RALYL: variants seen among roughly 807,000 people sequenced by gnomAD.
The protein encoded by RALYL is RNA-binding Raly-like protein.
A neutral mutation model predicts 35.1 loss-of-function variants in RALYL; 29 were observed. The ratio of observed to expected loss-of-function variants is 0.83; its 90% CI spans 0.61 to 1.13. RALYL has a LOEUF of 1.13. Among genes scored for constraint, RALYL ranks in the 50% most tolerant of loss-of-function variants. RALYL has a pLI of 0.00. For missense variants in RALYL, 359 were observed against 360.4 expected (o/e 1.00, Z 0.03); for synonymous variants, 120 against 127.6 (o/e 0.94, Z 0.40).
At chr8:84,453,078 C>A (rs1398365553) in intron 1 of RALYL, among the ~76,000 whole-genome samples, 1 of 151,866 alleles carries the variant, frequency 6.6e-6, no homozygotes, top group African/African-American at 2.4e-5. Flanking sequence ...GCTAAGAATT[C>A]TCTTCATAAT....
At chr8:84,235,767 C>CTTTTTTTTTTTTTTTTTTT (rs556495836) in intron 1 of RALYL, among the ~76,000 whole-genome samples, 9 of 126,932 alleles carry the variant, frequency 7.1e-5, no homozygotes, top group Admixed American at 8.1e-5. Flanking sequence ...TTTTCTTTTT[C>CTTTTTTTTTTTTTTTTTTT]TTTTTTTTTT....
intron 1 of RALYL, among the ~76,000 whole-genome samples, chr8:84,477,241 G>A (rs917349550): frequency 1.3e-5 from 2 of 151,932 alleles, no homozygotes; most frequent in Non-Finnish European, 2.9e-5. Context: ...ACAACTTCTT[G>A]CATCCATGTC....
At position 84,617,727 on chromosome 8, in the gene RALYL, A is replaced by G. The variant is rs376258245; in HGVS notation, c.256+88150A>G. ...CCATTCAGTATGATATTGGCTGTGG[A>G]TTTGTCATAGATAGCTCTTATTATT... is the stretch of plus-strand genomic sequence containing the variant. On this transcript the variant is annotated intron_variant, in intron 2 of 8. Coordinates refer to ENST00000521268, the MANE Select transcript of RALYL (RefSeq NM_173848.7). Among the ~76,000 whole-genome samples, 19 of 151,032 alleles carry G rather than the reference A, an allele frequency of 1.3e-4. 1 individual carries two copies. Among genetic ancestry groups the G allele is most frequent in the South Asian group, 8.4e-4 (4 of 4,768 alleles).
At chr8:84,469,274 T>C (rs568165723) in intron 1 of RALYL, among the ~76,000 whole-genome samples, 1 of 152,220 alleles carries the variant, frequency 6.6e-6, no homozygotes, top group South Asian at 2.1e-4. Flanking sequence ...CTTTGTGGTT[T>C]TATCTACTTT....
chr8:84,699,015 T>C (rs1839702460), intron 2 of RALYL, among the ~76,000 whole-genome samples: 1 of 150,476 alleles, frequency 6.6e-6, no homozygotes, highest in African/African-American at 2.4e-5. Context: ...CATAGATAGA[T>C]AGATAGATAG....
At chr8:84,568,281 T>C (rs944512079) in intron 2 of RALYL, among the ~76,000 whole-genome samples, 1 of 147,050 alleles carries the variant, frequency 6.8e-6, no homozygotes, top group Admixed American at 6.9e-5. Context: ...TTCCCACCTA[T>C]GAGTGAGAAC....
chr8:84,640,229 T>C (rs1314537495), intron 2 of RALYL, among the ~76,000 whole-genome samples: 3 of 152,034 alleles, frequency 2.0e-5, no homozygotes, highest in Non-Finnish European at 2.9e-5. Flanking sequence ...GGAGGTTACA[T>C]AGATGTAAAA....
intron 1 of RALYL, among the ~76,000 whole-genome samples, chr8:84,513,373 T>G (rs1281886141): frequency 6.6e-6 from 1 of 152,158 alleles, no homozygotes; most frequent in East Asian, 1.9e-4. Context: ...TGTTAGCAAT[T>G]TTTGTAGCTA....
chr8:84,909,877 C>G (rs959156229), intron 8 of RALYL, among the ~76,000 whole-genome samples: 1 of 152,056 alleles, frequency 6.6e-6, no homozygotes, highest in Non-Finnish European at 1.5e-5. Flanking sequence ...AAAGCAGTGA[C>G]AAAACTATTT....
intron 1 of RALYL, among the ~76,000 whole-genome samples, chr8:84,275,406 A>G (rs1315525794): frequency 1.3e-5 from 2 of 152,002 alleles, no homozygotes; most frequent in Non-Finnish European, 2.9e-5. Flanking sequence ...ATCAGTACTA[A>G]CTTTTTTGTT....
At chr8:84,666,776 A>G (rs567046162) in intron 2 of RALYL, among the ~76,000 whole-genome samples, 21 of 152,174 alleles carry the variant, frequency 1.4e-4, no homozygotes, top group Admixed American at 1.3e-3. Flanking sequence ...CAGATTTAGC[A>G]AGAAGAAAAT....
intron 2 of RALYL, among the ~76,000 whole-genome samples, chr8:84,762,031 G>A (rs371957869): frequency 9.9e-5 from 15 of 152,106 alleles, no homozygotes; most frequent in African/African-American, 2.9e-4. Flanking sequence ...CAGGGGAGAC[G>A]AAACTGCTAC....
At chr8:84,741,080 C>G (rs910309422) in intron 2 of RALYL, among the ~76,000 whole-genome samples, 1 of 151,904 alleles carries the variant, frequency 6.6e-6, no homozygotes, top group African/African-American at 2.4e-5. Flanking sequence ...TTATCAGGCC[C>G]CAGTCCCCAA....
At chr8:84,525,941 CTTTTCTT>C (rs1467448610) in intron 1 of RALYL, among the ~76,000 whole-genome samples, 16 of 125,326 alleles carry the variant, frequency 1.3e-4, no homozygotes, top group African/African-American at 2.2e-4. Context: ...TCTATTTTCT[CTTTTCTT>C]TTTTCTTTTT....
chr8:84,440,424 C>T (rs867585350), intron 1 of RALYL, among the ~76,000 whole-genome samples: 2 of 151,942 alleles, frequency 1.3e-5, no homozygotes, highest in Non-Finnish European at 2.9e-5. Flanking sequence ...AGAAAAAAAT[C>T]GTTTGTACTT....
intron 2 of RALYL, among the ~76,000 whole-genome samples, chr8:84,756,262 A>C (rs1811391049): frequency 6.6e-6 from 1 of 152,156 alleles, no homozygotes; most frequent in Admixed American, 6.6e-5. Context: ...AACAAGACAC[A>C]AAGTAAAGCA....
chr8:84,314,763 A>G (rs1843431484), intron 1 of RALYL, among the ~76,000 whole-genome samples: 1 of 152,186 alleles, frequency 6.6e-6, no homozygotes, highest in African/African-American at 2.4e-5. Context: ...AGACAGCATC[A>G]CCATAAGCGA....
chr8:84,889,013 G>A (rs901935432), intron 8 of RALYL, among the ~76,000 whole-genome samples: 10 of 152,152 alleles, frequency 6.6e-5, no homozygotes, highest in Non-Finnish European at 1.5e-4. Flanking sequence ...GCCTCCCAAA[G>A]AGCTGGGATT....
intron 3 of RALYL, among the ~76,000 whole-genome samples, chr8:84,775,444 A>G (rs1175421331): frequency 6.6e-6 from 1 of 152,008 alleles, no homozygotes; most frequent in Non-Finnish European, 1.5e-5. Flanking sequence ...CAATACTCAA[A>G]CTCATGCCCT....
Sources: allele counts gnomAD v4.1 joint callset (sites outside exome capture counted in the v4.1 genomes callset), GRCh38; gene constraint gnomAD v4.1.1; transcripts MANE v1.5; gene names NCBI Gene and HGNC (gene_info 2026-07-23, HGNC 2026-07-21).